The following CDK14 variants were observed in gnomAD, a reference collection of about 807,000 sequenced individuals.
CDK14 encodes the protein cyclin-dependent kinase 14.
In CDK14, 34 loss-of-function variants were observed where a neutral mutation model predicts 60.7. The ratio of observed to expected loss-of-function variants is 0.56; its 90% CI spans 0.43 to 0.75. The LOEUF is 0.75. CDK14 is among the 30% of genes least tolerant of loss of function. The pLI, the probability that CDK14 is intolerant of heterozygous loss-of-function variation, is 0.00. For synonymous variants in CDK14, 197 were observed against 203.7 expected (o/e 0.97, Z 0.28); for missense variants, 482 against 564.1 (o/e 0.85, Z 1.47).
At chr7:90,735,428 G>A (rs1018171607) in intron 3 of CDK14, among the ~76,000 whole-genome samples, 6 of 152,272 alleles carry the variant, frequency 3.9e-5, no homozygotes, top group East Asian at 3.9e-4. Context: ...CCTTTCCCCC[G>A]TTGCTCTGTC....
At chr7:91,193,681 A>G (rs1337724248) in intron 14 of CDK14, among the ~76,000 whole-genome samples, 2 of 152,162 alleles carry the variant, frequency 1.3e-5, no homozygotes, top group East Asian at 3.8e-4. Context: ...TTGAATTTCA[A>G]CTACAAAGAA....
intron 4 of CDK14, among the ~76,000 whole-genome samples, chr7:90,750,524 C>A (rs1404260685): frequency 6.6e-6 from 1 of 152,176 alleles, no homozygotes; most frequent in Non-Finnish European, 1.5e-5. Flanking sequence ...GATATAACAT[C>A]TTAAAAGGAA....
intron 8 of CDK14, among the ~76,000 whole-genome samples, chr7:90,918,730 A>G (rs1354271401): frequency 6.6e-6 from 1 of 152,162 alleles, no homozygotes; most frequent in Non-Finnish European, 1.5e-5. Context: ...CTGAAATATG[A>G]TTATCTTTTT....
chr7:90,947,509 G>A (rs1173703738), intron 8 of CDK14, among the ~76,000 whole-genome samples: 1 of 152,168 alleles, frequency 6.6e-6, no homozygotes, highest in Non-Finnish European at 1.5e-5. Flanking sequence ...TCTAAGTTGT[G>A]TAACCATTAA....
chr7:90,867,179 A>G (rs1791220051), intron 6 of CDK14, among the ~76,000 whole-genome samples: 1 of 152,170 alleles, frequency 6.6e-6, no homozygotes, highest in African/African-American at 2.4e-5. Flanking sequence ...TTGAAAAGGA[A>G]TCTCGTTCAT....
At chr7:90,780,767 G>A (rs980594299) in intron 4 of CDK14, among the ~76,000 whole-genome samples, 13 of 152,004 alleles carry the variant, frequency 8.6e-5, no homozygotes, top group African/African-American at 3.1e-4. Context: ...ATTCCATGGT[G>A]TATATGTGCC....
chr7:90,601,552 A>G (rs913600725), intron 1 of CDK14, among the ~76,000 whole-genome samples: 2 of 152,230 alleles, frequency 1.3e-5, no homozygotes, highest in African/African-American at 4.8e-5. Flanking sequence ...TAGCAAATAC[A>G]CTTGCAGTTT....
chr7:90,697,668 T>C (rs1190267909), intron 2 of CDK14, among the ~76,000 whole-genome samples: 1 of 152,204 alleles, frequency 6.6e-6, no homozygotes, highest in African/African-American at 2.4e-5. Flanking sequence ...CACAATTATA[T>C]GTCTGAAACA....
chr7:91,130,509 A>G (rs1800084049), intron 14 of CDK14, among the ~76,000 whole-genome samples: 1 of 152,142 alleles, frequency 6.6e-6, no homozygotes, highest in South Asian at 2.1e-4. Context: ...CTATTTCACA[A>G]GTGTCATGCA....
intron 2 of CDK14, among the ~76,000 whole-genome samples, chr7:90,723,525 G>A (rs969981557): frequency 6.6e-6 from 1 of 152,188 alleles, no homozygotes; most frequent in Admixed American, 6.5e-5. Context: ...TCAAGGCAGA[G>A]AGAGCACCAA....
intron 14 of CDK14, among the ~76,000 whole-genome samples, chr7:91,162,177 T>C (rs1801187416): frequency 6.6e-6 from 1 of 152,236 alleles, no homozygotes; most frequent in Non-Finnish European, 1.5e-5. Flanking sequence ...TGGGGGACTT[T>C]GTAACACATG....
chr7:90,704,706 T>A (rs577577464), intron 2 of CDK14, among the ~76,000 whole-genome samples: 3 of 152,280 alleles, frequency 2.0e-5, no homozygotes, highest in African/African-American at 7.2e-5. Context: ...GAGGAAAATC[T>A]CAACATTGCC....
At chr7:90,657,807 G>C (rs1368829274) in intron 2 of CDK14, among the ~76,000 whole-genome samples, 1 of 152,082 alleles carries the variant, frequency 6.6e-6, no homozygotes, top group Non-Finnish European at 1.5e-5. Flanking sequence ...TCATGCTAGG[G>C]ATATCACAGA....
At position 90,604,252 on chromosome 7, in the gene CDK14, A is replaced by G; in HGVS notation, c.123+3A>G. 1 of 1,524,530 alleles carries G rather than the reference A, an allele frequency of 6.6e-7. No individual in the cohort carries two copies. Among genetic ancestry groups the G allele is most frequent in the Non-Finnish European group, 8.9e-7 (1 of 1,124,242 alleles). 94.4% of individuals were successfully genotyped at this position (1,524,530 alleles called of 1,614,324 possible). A position where few individuals can be genotyped will look rare whatever the true frequency, so the allele number is the denominator to read the frequency against. On this transcript the variant is annotated splice_donor_region_variant and intron_variant, in intron 2 of 14. Coordinates refer to ENST00000380050, the MANE Select transcript of CDK14 (RefSeq NM_001287135.2). ...AAGATGACACCACCTTTGATGAGGTAGGTTAAATTTCTTTATCTAATGTTA... is the reference window on the plus strand; with the variant it reads ...AAGATGACACCACCTTTGATGAGGTGGGTTAAATTTCTTTATCTAATGTTA...
intron 5 of CDK14, among the ~76,000 whole-genome samples, chr7:90,794,724 C>T (rs1189225403): frequency 6.6e-6 from 1 of 152,170 alleles, no homozygotes; most frequent in Non-Finnish European, 1.5e-5. Flanking sequence ...ACAATCATCA[C>T]AGGGTCCTGA....
chr7:90,934,770 T>A (rs1328093174), intron 8 of CDK14, among the ~76,000 whole-genome samples: 1 of 152,250 alleles, frequency 6.6e-6, no homozygotes, highest in Non-Finnish European at 1.5e-5. Flanking sequence ...GATACAGATG[T>A]AGATGTATAG....
In CDK14 at chr7:91,156,307, A is replaced by T. The variant is rs1036026325; in HGVS notation, c.*28+38099A>T. The stretch of plus-strand genomic sequence containing the variant: ...ATTTTTCCCCAAAATATGTGGTTGG[A>T]TAATTTTTAAATCTCTTCATTAAAT... On this transcript the variant is annotated intron_variant, in intron 14 of 14. Transcript: ENST00000380050. 2.6e-5 allele frequency among the ~76,000 whole-genome samples: 4 copies of T among 152,198 alleles called. No homozygotes were observed. In the East Asian group the frequency reaches 7.7e-4, roughly 29 times the overall value.
chr7:90,729,583 T>C (rs1231997339), intron 3 of CDK14, among the ~76,000 whole-genome samples: 1 of 151,692 alleles, frequency 6.6e-6, no homozygotes, highest in East Asian at 1.9e-4. Flanking sequence ...ACAGTTTCTC[T>C]ATTGTATTTT....
chr7:90,902,297 G>A (rs1378632786), intron 7 of CDK14, among the ~76,000 whole-genome samples: 1 of 152,006 alleles, frequency 6.6e-6, no homozygotes, highest in African/African-American at 2.4e-5. Context: ...ACAATACTGA[G>A]CAAAAAGAAC....
Sources: gnomAD v4.1 joint callset for allele counts (sites outside exome capture counted in the v4.1 genomes callset) on GRCh38, gnomAD v4.1.1 for gene constraint, MANE v1.5 for transcripts, NCBI Gene and HGNC (gene_info 2026-07-23, HGNC 2026-07-21) for gene names.